TET3: variants seen among roughly 807,000 people sequenced by gnomAD.
TET3 encodes tet methylcytosine dioxygenase 3.
In TET3, 19 loss-of-function variants were observed where a neutral mutation model predicts 141.4. That is an observed-to-expected ratio of 0.13 (90% CI 0.09 to 0.20). TET3 has a LOEUF of 0.20. Among genes scored for constraint, TET3 ranks in the 10% least tolerant of loss-of-function variants. The pLI is 1.00. For missense variants in TET3, 1,874 were observed against 2,356.9 expected (o/e 0.80, Z 4.24); for synonymous variants, 1,043 against 980.9 (o/e 1.06, Z -1.18).
At chr2:74,031,814 C>G (rs896664569) in intron 3 of TET3, among the ~76,000 whole-genome samples, 3 of 152,170 alleles carry the variant, frequency 2.0e-5, no homozygotes, top group African/African-American at 7.2e-5. Flanking sequence ...GGCAAACACA[C>G]AGGGATTCCT....
chr2:74,047,015 C>T lies in TET3; in HGVS notation c.1098C>T (p.Leu366=), dbSNP rs1018790492. Residue 366 remains leucine, a synonymous_variant, in exon 4 of 12, where the codon CTC becomes CTT. Coordinates refer to ENST00000409262, the MANE Select transcript of TET3 (RefSeq NM_001287491.2). The part of the protein sequence containing the change: ...TAIAIEALTQ[L]SSALPQPSHS... ...TTGCCATTGAGGCCCTCACACAGCTCTCCTCTGCCCTCCCGCAGCCTTCTC... is the reference window on the plus strand; with the variant it reads ...TTGCCATTGAGGCCCTCACACAGCTTTCCTCTGCCCTCCCGCAGCCTTCTC... 19 of 1,613,884 alleles carry T rather than the reference C, an allele frequency of 1.2e-5. No homozygotes were observed. In the African/African-American group the frequency reaches 2.1e-4, roughly 18 times the overall value.
Position 73,986,388 on chromosome 2 carries a change from C to G in TET3, c.-16C>G, listed in dbSNP as rs1684026761. 1.6e-6 allele frequency: 2 copies of G among 1,232,062 alleles called. No homozygotes were observed. The allele number at this position is 1,232,062 out of a possible 1,614,324, so 76.3% of individuals were successfully genotyped here. A position where few individuals can be genotyped will look rare whatever the true frequency, so the allele number is the denominator to read the frequency against. ...GGTTCTGCCCCAGCACCTATGACCC[C>G]ACCTCTGGCAGCATCATGAGCCAGT... On this transcript the variant is annotated 5_prime_UTR_variant, in exon 2 of 12. Transcript: ENST00000409262.
intron 3 of TET3, among the ~76,000 whole-genome samples, chr2:74,034,393 C>T (rs1686914903): frequency 6.6e-6 from 1 of 151,708 alleles, no homozygotes; most frequent in Admixed American, 6.6e-5. Flanking sequence ...GGGTGTTTTC[C>T]CCCAGCCCTA....
the TET3 span, among the ~76,000 whole-genome samples, chr2:74,126,822 T>C: frequency 6.6e-6 from 1 of 152,140 alleles, no homozygotes; most frequent in East Asian, 1.9e-4. Flanking sequence ...TTTAAAGCAG[T>C]AAATGTAAAC....
the TET3 span, chr2:74,134,894 G>T: frequency 5.0e-6 from 2 of 399,602 alleles, no homozygotes; most frequent in South Asian, 1.8e-5. Context: ...ATGTCCCACT[G>T]TCCCTGCTCC....
the TET3 span, chr2:74,130,685 C>T: frequency 6.6e-6 from 1 of 152,384 alleles, no homozygotes; most frequent in Admixed American, 6.5e-5. Flanking sequence ...CCCTCCATCT[C>T]CACCTTCTCT....
chr2:74,058,641 A>C (rs1484638026), intron 4 of TET3, among the ~76,000 whole-genome samples: 2 of 152,120 alleles, frequency 1.3e-5, no homozygotes, highest in Non-Finnish European at 2.9e-5. Flanking sequence ...TGAAATACAC[A>C]TACAGGAAGA....
chr2:74,065,096 C>A (rs1365948105), intron 4 of TET3, among the ~76,000 whole-genome samples: 1 of 152,066 alleles, frequency 6.6e-6, no homozygotes, highest in Non-Finnish European at 1.5e-5. Context: ...AGTCTAAAAG[C>A]TTTTTCAATG....
intron 2 of TET3, among the ~76,000 whole-genome samples, chr2:73,991,668 G>T (rs1248977749): frequency 7.9e-5 from 12 of 151,952 alleles, no homozygotes; most frequent in African/African-American, 2.7e-4. Flanking sequence ...ATCCAGGGTG[G>T]ACCAAACTGG....
chr2:74,110,872 T>G (rs1691687840), downstream of TET3, among the ~76,000 whole-genome samples: 1 of 152,120 alleles, frequency 6.6e-6, no homozygotes, highest in African/African-American at 2.4e-5. Flanking sequence ...TTCTGTGGCT[T>G]CTCCCCATCA....
chr2:74,073,264 G>A (rs1309863326), intron 4 of TET3, among the ~76,000 whole-genome samples: 2 of 152,204 alleles, frequency 1.3e-5, no homozygotes, highest in Non-Finnish European at 2.9e-5. Flanking sequence ...TTGGATAATG[G>A]TAGGCGGAAT....
intron 4 of TET3, among the ~76,000 whole-genome samples, chr2:74,068,673 C>T (rs2103899855): frequency 6.6e-6 from 1 of 152,238 alleles, no homozygotes; most frequent in Admixed American, 6.5e-5. Flanking sequence ...ACAGATTGTG[C>T]ATTTGTCATT....
intron 5 of TET3, among the ~76,000 whole-genome samples, chr2:74,080,117 T>A (rs1375647322): frequency 6.6e-6 from 1 of 152,236 alleles, no homozygotes. Flanking sequence ...GTTATATTTA[T>A]AAATAGCTAA....
the TET3 span, among the ~76,000 whole-genome samples, chr2:74,113,806 TACAA>T: frequency 0.29 from 43,382 of 151,694 alleles, 6,434 homozygotes; most frequent in East Asian, 0.49. Context: ...TTGAAGAGGA[TACAA>T]ACAAATGGAA....
chr2:73,986,983 G>T (rs1341182162), intron 2 of TET3, among the ~76,000 whole-genome samples: 1 of 152,192 alleles, frequency 6.6e-6, no homozygotes, highest in East Asian at 1.9e-4. Context: ...ACCTCTAGAA[G>T]TTTCTTGTCC....
At position 73,986,411 on chromosome 2, in the gene TET3, A is replaced by G; in HGVS notation, c.8A>G (p.Gln3Arg). MS[Q>R]FQVPLAVQPD... ...CCCACCTCTGGCAGCATCATGAGCCAGTTTCAGGTGCCCCTGGCCGTCCAG... is the reference window on the plus strand; with the variant it reads ...CCCACCTCTGGCAGCATCATGAGCCGGTTTCAGGTGCCCCTGGCCGTCCAG... Residue 3 changes from glutamine to arginine, a missense_variant, in exon 2 of 12, where the codon CAG becomes CGG. Gln to Arg is a conservative substitution (Grantham distance 43). Around this residue, in one of 10 missense-constraint regions of TET3, gnomAD observed 366 missense variants for 487.0 expected, o/e 0.75. Transcript: ENST00000409262. The G allele has an allele frequency of 8.1e-7, 1 of 1,232,200 alleles. No individual in the cohort carries two copies. The highest frequency in any genetic ancestry group is 4.1e-5 in the South Asian group (1 of 24,322). The allele number at this position is 1,232,200 out of a possible 1,614,324, so 76.3% of individuals were successfully genotyped here.
At chr2:74,112,502 TAA>T (rs1691727138), downstream of TET3, among the ~76,000 whole-genome samples, 1 of 151,888 alleles carries the variant, frequency 6.6e-6, no homozygotes, top group Non-Finnish European at 1.5e-5. Flanking sequence ...AGGAAGTAAA[TAA>T]ACAGGAAACC....
intron 2 of TET3, among the ~76,000 whole-genome samples, chr2:73,998,132 A>G (rs536241473): frequency 1.3e-5 from 2 of 152,222 alleles, no homozygotes; most frequent in African/African-American, 4.8e-5. Flanking sequence ...CTAGAGGTGG[A>G]AGGTCAGACG....
chr2:74,072,991 C>G (rs1436163702), intron 4 of TET3, among the ~76,000 whole-genome samples: 1 of 152,190 alleles, frequency 6.6e-6, no homozygotes, highest in Non-Finnish European at 1.5e-5. Context: ...ATCCATCCAC[C>G]TGCTGATGGA....
Sources: allele counts gnomAD v4.1 joint callset (sites outside exome capture counted in the v4.1 genomes callset), GRCh38; gene constraint gnomAD v4.1.1; regional missense constraint gnomAD v4.1.1; transcripts MANE v1.5; gene names NCBI Gene and HGNC (gene_info 2026-07-23, HGNC 2026-07-21).